Variants in ATOSA observed in about 807,000 individuals in gnomAD.
ATOSA encodes atos homolog protein A.
At chr15:52,632,436 T>C in the ATOSA span, among the ~76,000 whole-genome samples, 1 of 152,226 alleles carries the variant, frequency 6.6e-6, no homozygotes. Context: ...GGAACTGTGA[T>C]GGTGAAACAG....
chr15:52,625,360 T>C, the ATOSA span, among the ~76,000 whole-genome samples: 2 of 152,136 alleles, frequency 1.3e-5, no homozygotes, highest in African/African-American at 4.8e-5. Context: ...GTGAAAGCAA[T>C]TTTATGTGTA....
the ATOSA span, among the ~76,000 whole-genome samples, chr15:52,709,308 C>T: frequency 4.9e-4 from 74 of 152,278 alleles, 3 homozygotes; most frequent in South Asian, 0.014. Context: ...ATTGCAAAAT[C>T]ATTGGCTTTT....
chr15:52,601,192 A>AT, the ATOSA span: 1 of 1,421,228 alleles, frequency 7.0e-7, no homozygotes, highest in Non-Finnish European at 9.5e-7. Flanking sequence ...CATTTGTGAT[A>AT]TTAAAAAAAA....
chr15:52,649,017 T>C, the ATOSA span, among the ~76,000 whole-genome samples: 3 of 152,142 alleles, frequency 2.0e-5, no homozygotes, highest in East Asian at 5.8e-4. Context: ...GATTATATAA[T>C]AGATTCAAGT....
At chr15:52,600,723 G>C in the ATOSA span, among the ~76,000 whole-genome samples, 1 of 150,808 alleles carries the variant, frequency 6.6e-6, no homozygotes, top group Non-Finnish European at 1.5e-5. Flanking sequence ...AGAATACAAG[G>C]GCAAAATTGT....
the ATOSA span, among the ~76,000 whole-genome samples, chr15:52,677,736 C>T: frequency 6.6e-6 from 1 of 152,166 alleles, no homozygotes; most frequent in Non-Finnish European, 1.5e-5. Context: ...ATTGTGGCAA[C>T]AGATACAAAT....
the ATOSA span, among the ~76,000 whole-genome samples, chr15:52,626,679 G>T: frequency 1.3e-5 from 2 of 152,106 alleles, no homozygotes; most frequent in African/African-American, 4.8e-5. Context: ...AATGGTAAAG[G>T]GGGGCCTTAA....
At chr15:52,630,650 C>T in the ATOSA span, among the ~76,000 whole-genome samples, 1 of 152,160 alleles carries the variant, frequency 6.6e-6, no homozygotes, top group East Asian at 1.9e-4. Context: ...TTAAGAAGTA[C>T]ATACTCTACA....
the ATOSA span, among the ~76,000 whole-genome samples, chr15:52,620,991 A>G: frequency 7.9e-5 from 12 of 152,224 alleles, no homozygotes; most frequent in Non-Finnish European, 1.8e-4. Context: ...TGCGCAATCG[A>G]GTATTGTGAA....
At chr15:52,599,330 G>C in the ATOSA span, among the ~76,000 whole-genome samples, 2,686 of 152,192 alleles carry the variant, frequency 0.018, 85 homozygotes, top group African/African-American at 0.062. Flanking sequence ...TGACATCTCT[G>C]AACTGATACC....
At chr15:52,590,371 T>C in the ATOSA span, among the ~76,000 whole-genome samples, 5 of 152,236 alleles carry the variant, frequency 3.3e-5, no homozygotes, top group Non-Finnish European at 7.3e-5. Flanking sequence ...TGTTGTCATA[T>C]AACACTTGGA....
At chr15:52,684,920 A>T in the ATOSA span, among the ~76,000 whole-genome samples, 1 of 152,230 alleles carries the variant, frequency 6.6e-6, no homozygotes, top group Non-Finnish European at 1.5e-5. Flanking sequence ...ACAAATTGAA[A>T]TGTAAGTATA....
At chr15:52,614,463 C>T in the ATOSA span, among the ~76,000 whole-genome samples, 1 of 151,928 alleles carries the variant, frequency 6.6e-6, no homozygotes, top group African/African-American at 2.4e-5. Context: ...AAAAGTGACA[C>T]ATTTTCTGAG....
At chr15:52,673,053 TC>T in the ATOSA span, among the ~76,000 whole-genome samples, 1 of 152,074 alleles carries the variant, frequency 6.6e-6, no homozygotes, top group Non-Finnish European at 1.5e-5. Context: ...CCTTTTGTCT[TC>T]CTCAGCTTTC....
the ATOSA span, among the ~76,000 whole-genome samples, chr15:52,704,855 C>G: frequency 6.6e-6 from 1 of 152,160 alleles, no homozygotes; most frequent in African/African-American, 2.4e-5. Flanking sequence ...CAGGAAACAA[C>G]AGACCCTGGA....
At chr15:52,611,578 C>G in the ATOSA span, 10 of 1,613,712 alleles carry the variant, frequency 6.2e-6, no homozygotes, top group South Asian at 1.1e-5. Context: ...AACTTACTGT[C>G]GAGGAACTGG....
At chr15:52,647,296 T>G in the ATOSA span, among the ~76,000 whole-genome samples, 7 of 151,814 alleles carry the variant, frequency 4.6e-5, no homozygotes, top group African/African-American at 1.7e-4. Context: ...AAAAATAGAA[T>G]GGAAACCAGA....
chr15:52,698,912 AGTG>A, the ATOSA span, among the ~76,000 whole-genome samples: 5 of 152,322 alleles, frequency 3.3e-5, no homozygotes, highest in East Asian at 3.9e-4. Context: ...AATCTGCTGA[AGTG>A]GTGGTGATTT....
At chr15:52,662,125 C>G in the ATOSA span, among the ~76,000 whole-genome samples, 1 of 152,082 alleles carries the variant, frequency 6.6e-6, no homozygotes, top group Non-Finnish European at 1.5e-5. Flanking sequence ...TCTTAGTGCT[C>G]TACCACAATA....
Sources: allele counts gnomAD v4.1 joint callset (sites outside exome capture counted in the v4.1 genomes callset), GRCh38; gene constraint gnomAD v4.1.1; transcripts MANE v1.5; gene names NCBI Gene and HGNC (gene_info 2026-07-23, HGNC 2026-07-21).